Variants in MYADM observed in about 807,000 individuals in gnomAD.
The protein encoded by MYADM is myeloid associated differentiation marker, also known as myeloid-associated differentiation marker.
For synonymous variants in MYADM, 224 were observed against 210.2 expected, an observed-to-expected ratio of 1.07 and a Z score of -0.57; for missense variants, 416 against 443.4, an observed-to-expected ratio of 0.94 and a Z score of 0.56.
rs368654563 is a variant in MYADM at position 53,873,711 on chromosome 19, C to T, written c.182C>T (p.Thr61Met). The change falls in exon 3 of 3, where the codon ACG becomes ATG. Residue 61 changes from threonine to methionine, a missense_variant. Transcript: ENST00000391770. The surrounding 1 kb of genome is among the most constrained non-coding windows in gnomAD (Gnocchi z 4.3). ...FSLVASVGAW[T>M]GSMGNWSMFT... ...CTGGTGGCTAGCGTGGGCGCCTGGACGGGGTCCATGGGCAACTGGTCCATG... is the reference window on the plus strand; with the variant it reads ...CTGGTGGCTAGCGTGGGCGCCTGGATGGGGTCCATGGGCAACTGGTCCATG... 8.6e-5 allele frequency: 138 copies of T among 1,613,988 alleles called. No homozygotes were observed. The highest frequency in any genetic ancestry group is 1.1e-4 in the Non-Finnish European group (133 of 1,180,034).
upstream of MYADM, among the ~76,000 whole-genome samples, chr19:53,867,019 C>T (rs533760166): frequency 1.3e-5 from 2 of 152,180 alleles, no homozygotes; most frequent in African/African-American, 4.8e-5. Context: ...CCTGTGGAGC[C>T]CAGGAATCCG....
chr19:53,874,011 G>C lies in MYADM; in HGVS notation c.482G>C (p.Arg161Pro). The change falls in exon 3 of 3, where the codon CGG becomes CCG. Residue 161 changes from arginine to proline, a missense_variant. Coordinates refer to ENST00000391770, the MANE Select transcript of MYADM (RefSeq NM_138373.5). ...YATEVAWTRA[R>P]PGEITGYMAT... ...ACCGAAGTGGCCTGGACCCGGGCCC[G>C]GCCCGGCGAGATCACTGGCTATATG... 6.2e-7 allele frequency: 1 copy of C among 1,608,376 alleles called. No individual in the cohort carries two copies. Among genetic ancestry groups the C allele is most frequent in the Non-Finnish European group, 8.5e-7 (1 of 1,179,990 alleles).
Position 53,868,370 on chromosome 19 carries a change from C to G in MYADM, c.-88+427C>G, listed in dbSNP as rs1047171279. ...GACTCGTAGGTGCCCTAGTTGGAGGCTGGAATCTGGTACGTGGAGGTCCTT... is the reference window on the plus strand; with the variant it reads ...GACTCGTAGGTGCCCTAGTTGGAGGGTGGAATCTGGTACGTGGAGGTCCTT... On this transcript the variant is annotated intron_variant, in intron 1 of 2. Transcript: ENST00000391770. This position sits in a 1 kb window ranked among gnomAD's most constrained non-coding sequence, Gnocchi z 6.3. 6.6e-6 allele frequency among the ~76,000 whole-genome samples: 1 copy of G among 151,818 alleles called. No homozygotes were observed. The highest frequency in any genetic ancestry group is 2.4e-5 in the African/African-American group (1 of 41,308).
In MYADM at chr19:53,873,873, C is replaced by G; in HGVS notation, c.344C>G (p.Ser115Trp). The G allele has an allele frequency of 6.2e-7, 1 of 1,613,330 alleles. No individual in the cohort carries two copies. The highest frequency in any genetic ancestry group is 8.5e-7 in the Non-Finnish European group (1 of 1,180,038). The change falls in exon 3 of 3, where the codon TCG becomes TGG. Residue 115 changes from serine to tryptophan, a missense_variant. By Grantham distance (177) the Ser-to-Trp change is radical. Coordinates refer to ENST00000391770, the MANE Select transcript of MYADM (RefSeq NM_138373.5). This position sits in a 1 kb window ranked among gnomAD's most constrained non-coding sequence, Gnocchi z 4.3. ...FACYAALFCLSASIIYPTTYV... is the reference protein window; with the variant it reads ...FACYAALFCLWASIIYPTTYV... Reference sequence around the variant, plus strand: ...TGCTATGCGGCCCTCTTCTGCCTCTCGGCCTCCATCATCTACCCCACCACC... The same window carrying G: ...TGCTATGCGGCCCTCTTCTGCCTCTGGGCCTCCATCATCTACCCCACCACC...
In MYADM at chr19:53,874,207, G is replaced by A; in HGVS notation, c.678G>A (p.Gly226=). 6.2e-7 allele frequency: 1 copy of A among 1,613,664 alleles called. No individual in the cohort carries two copies. The highest frequency in any genetic ancestry group is 8.5e-7 in the Non-Finnish European group (1 of 1,179,710). ...CCATCGCCATCCTGCTGAACCTGGG[G>A]GAGTGCACCAACGTGCTACCCATCC... The part of the protein sequence containing the change: ...LAAIAILLNL[G]ECTNVLPIPF... The change falls in exon 3 of 3, where the codon GGG becomes GGA. Residue 226 remains glycine (G), a synonymous_variant. Transcript: ENST00000391770.
Position 53,874,254 on chromosome 19 carries a change from G to A in MYADM, c.725G>A (p.Gly242Glu), listed in dbSNP as rs747451838. Residue 242 changes from glycine to glutamate, a missense_variant, in exon 3 of 3, where the codon GGG becomes GAG. Gly to Glu is a moderately conservative substitution (Grantham distance 98, BLOSUM62 -2). Transcript: ENST00000391770. ...ATCCCCTTCCCCAGCTTCCTGTCGG[G>A]GCTGGCCTTGCTGTCTGTCCTCCTC... ...LPIPFPSFLS[G>E]LALLSVLLYA... 3.3e-5 allele frequency: 53 copies of A among 1,609,828 alleles called. 1 individual carries two copies. Among genetic ancestry groups the A allele is most frequent in the Non-Finnish European group, 3.1e-5 (37 of 1,177,178 alleles).
intron 2 of MYADM, 133 bp downstream of exon 2, chr19:53,869,971 GGGCC>G (rs1444669483): frequency 8.4e-6 from 1 of 118,870 alleles, no homozygotes; most frequent in African/African-American, 4.3e-5. Flanking sequence ...GGGGGCCTGG[GGGCC>G]TGGGCTCCTG....
In MYADM at chr19:53,875,434, T is replaced by C. The variant is rs1449680877; in HGVS notation, c.*936T>C. ...GCACTCAGCCTTGCCAGAGATTGGC[T>C]CCAGAATTTTTGCCAGGCTTACAGA... On this transcript the variant is annotated 3_prime_UTR_variant, in exon 3 of 3. Coordinates refer to ENST00000391770, the MANE Select transcript of MYADM (RefSeq NM_138373.5). The C allele has an allele frequency of 1.2e-4, 20 of 166,392 alleles. No homozygotes were observed. The allele number at this position is 166,392 out of a possible 1,614,324, so 10.3% of individuals were successfully genotyped here.
At chr19:53,866,771 T>A (rs1290681095), upstream of MYADM, among the ~76,000 whole-genome samples, 2 of 152,156 alleles carry the variant, frequency 1.3e-5, no homozygotes, top group Non-Finnish European at 2.9e-5. This position sits in a 1 kb window ranked among gnomAD's most constrained non-coding sequence, Gnocchi z 4.3. Context: ...GCGGCTAGGC[T>A]TGCAACACCT....
At position 53,874,285 on chromosome 19, in the gene MYADM, C is replaced by T. The variant is rs1438885418; in HGVS notation, c.756C>T (p.Ala252=). ...GLALLSVLLY[A]TALVLWPLYQ... ...CCTTGCTGTCTGTCCTCCTCTATGC[C>T]ACCGCCCTTGTTCTCTGGCCCCTCT... The change falls in exon 3 of 3, where the codon GCC becomes GCT. Residue 252 remains alanine (A), a synonymous_variant. Transcript: ENST00000391770. 1.9e-6 allele frequency: 3 copies of T among 1,609,226 alleles called. No homozygotes were observed. The highest frequency in any genetic ancestry group is 2.7e-5 in the African/African-American group (2 of 74,902).
chr19:53,865,737 T>TG (rs1242750264), upstream of MYADM: 5 of 152,210 alleles, frequency 3.3e-5, no homozygotes, highest in African/African-American at 1.2e-4. Context: ...CAGTAAGTTG[T>TG]GTAAGTGGAG....
In MYADM at chr19:53,874,444, G is replaced by A; in HGVS notation, c.915G>A (p.Leu305=). ...CCATCCTGACGGCCATCAACCTACT[G>A]GCGTATGTGGCTGACCTGGTGCACT... ...AVAILTAINL[L]AYVADLVHSA... Residue 305 remains leucine (L), a synonymous_variant, in exon 3 of 3, where the codon CTG becomes CTA. Transcript: ENST00000391770. 6.2e-7 allele frequency: 1 copy of A among 1,613,762 alleles called. No individual in the cohort carries two copies. Among genetic ancestry groups the A allele is most frequent in the South Asian group, 1.1e-5 (1 of 91,056 alleles).
Position 53,874,777 on chromosome 19 carries a change from T to G in MYADM, c.*279T>G, listed in dbSNP as rs867970478. The G allele has an allele frequency of 6.0e-6, 1 of 166,884 alleles. No homozygotes were observed. Among genetic ancestry groups the G allele is most frequent in the African/African-American group, 2.7e-5 (1 of 36,702 alleles). 10.3% of individuals were successfully genotyped at this position (166,884 alleles called of 1,614,324 possible). A position where few individuals can be genotyped will look rare whatever the true frequency, so the allele number is the denominator to read the frequency against. ...CTGTTTCTCTTTTTCTTTTCTTTTTTTTTTTTTTTTTTTTTTAAGACGGAT... is the reference window on the plus strand; with the variant it reads ...CTGTTTCTCTTTTTCTTTTCTTTTTGTTTTTTTTTTTTTTTTAAGACGGAT... On this transcript the variant is annotated 3_prime_UTR_variant, in exon 3 of 3. Transcript: ENST00000391770.
At position 53,875,541 on chromosome 19, in the gene MYADM, GAA is replaced by G. The variant is rs756954605; in HGVS notation, c.*1057_*1058del. On this transcript the variant is annotated 3_prime_UTR_variant, in exon 3 of 3. Transcript: ENST00000391770. ...CAACTATTCTCTGTGGTATCAAAAA[GAA>G]AAAAAAAAAAAAAGAAGGAGTCGGG... 8.1e-4 allele frequency: 103 copies of G among 126,448 alleles called. No homozygotes were observed. Among genetic ancestry groups the G allele is most frequent in the Admixed American group, 1.8e-4 (2 of 11,352 alleles). The allele number at this position is 126,448 out of a possible 1,614,324, so 7.8% of individuals were successfully genotyped here.
At chr19:53,866,818 TTATGATGATCATG>T (rs1350466289), upstream of MYADM, among the ~76,000 whole-genome samples, 1 of 152,240 alleles carries the variant, frequency 6.6e-6, no homozygotes, top group East Asian at 1.9e-4. The surrounding 1 kb of genome is among the most constrained non-coding windows in gnomAD (Gnocchi z 4.3). Context: ...AATGGTTCTA[TTATGATGATCATG>T]ATGATTTATT....
Position 53,868,641 on chromosome 19 carries a change from C to G in MYADM, c.-88+698C>G, listed in dbSNP as rs2068289270. On this transcript the variant is annotated intron_variant, in intron 1 of 2. Coordinates refer to ENST00000391770, the MANE Select transcript of MYADM (RefSeq NM_138373.5). This position sits in a 1 kb window ranked among gnomAD's most constrained non-coding sequence, Gnocchi z 6.3. ...GGTGCCGAGAGCCGAAGCTGGGGTT[C>G]CGGGGCCCGATTCTCAGCGTGAGCG... Among the ~76,000 whole-genome samples, 1 of 152,060 alleles carries G rather than the reference C, an allele frequency of 6.6e-6. No individual in the cohort carries two copies. Among genetic ancestry groups the G allele is most frequent in the Admixed American group, 6.5e-5 (1 of 15,280 alleles).
chr19:53,874,010 C>T lies in MYADM; in HGVS notation c.481C>T (p.Arg161Trp), dbSNP rs140166646. 5.6e-6 allele frequency: 9 copies of T among 1,608,426 alleles called. No homozygotes were observed. The highest frequency in any genetic ancestry group is 2.7e-5 in the African/African-American group (2 of 75,068). Residue 161 changes from arginine to tryptophan, a missense_variant, in exon 3 of 3, where the codon CGG becomes TGG. Arg to Trp is a moderately radical substitution (Grantham distance 101). Coordinates refer to ENST00000391770, the MANE Select transcript of MYADM (RefSeq NM_138373.5). ...YATEVAWTRA[R>W]PGEITGYMAT... is the part of the protein sequence containing the mutation. ...CACCGAAGTGGCCTGGACCCGGGCCCGGCCCGGCGAGATCACTGGCTATAT... is the reference window on the plus strand; with the variant it reads ...CACCGAAGTGGCCTGGACCCGGGCCTGGCCCGGCGAGATCACTGGCTATAT...
At chr19:53,869,366 G>A (rs1436793199) in intron 1 of MYADM, 1 of 152,450 alleles carries the variant, frequency 6.6e-6, no homozygotes, top group East Asian at 1.9e-4. Context: ...CGGGGGTCCG[G>A]GCACCGCCTC....
intron 2 of MYADM, among the ~76,000 whole-genome samples, chr19:53,871,172 C>A (rs568182982): frequency 5.3e-5 from 8 of 152,154 alleles, no homozygotes; most frequent in Admixed American, 4.6e-4. Context: ...CGGAGGTTGC[C>A]GTGAGTCAAG....
Sources: allele counts gnomAD v4.1 joint callset (sites outside exome capture counted in the v4.1 genomes callset), GRCh38; gene constraint gnomAD v4.1.1; non-coding constraint Gnocchi (gnomAD v3.1); transcripts MANE v1.5; gene names NCBI Gene and HGNC (gene_info 2026-07-23, HGNC 2026-07-21).